Variants in ACOT11 observed in about 807,000 individuals in gnomAD.
ACOT11 encodes the protein acyl-coenzyme A thioesterase 11.
A neutral mutation model predicts 77.5 loss-of-function variants in ACOT11; 69 were observed. That is an observed-to-expected ratio of 0.89 (90% confidence interval 0.73 to 1.09). ACOT11 has a LOEUF of 1.09. Ranked by LOEUF, ACOT11 falls within the 50% of genes least tolerant of loss-of-function variation. The probability of loss-of-function intolerance (pLI) is 0.00; values close to 1 mark genes in which losing one functional copy is unlikely to be tolerated. For synonymous variants in ACOT11, 279 were observed against 313.0 expected (o/e 0.89, Z 1.15); for missense variants, 766 against 813.7 (o/e 0.94, Z 0.71).
At chr1:54,635,954 C>G (rs1300342666) in exon 17 of ACOT11, 1 of 152,412 alleles carries the variant, frequency 6.6e-6, no homozygotes, top group East Asian at 1.9e-4. Context: ...GGGCGGAAAA[C>G]CGCTTAAAGG....
At chr1:54,626,180 G>A (rs1202690331) in intron 15 of ACOT11, among the ~76,000 whole-genome samples, 4 of 151,992 alleles carry the variant, frequency 2.6e-5, no homozygotes, top group Admixed American at 2.6e-4. Context: ...TGATGCAGGA[G>A]AATCGCTTGA....
At chr1:54,614,724 AT>A (rs2101018490), downstream of ACOT11, 1 of 1,613,950 alleles carries the variant, frequency 6.2e-7, no homozygotes, top group Non-Finnish European at 8.5e-7. Flanking sequence ...CTCAGTTGAG[AT>A]GAGCATGTTG....
At chr1:54,566,558 C>T (rs1653740570) in intron 1 of ACOT11, among the ~76,000 whole-genome samples, 1 of 151,898 alleles carries the variant, frequency 6.6e-6, no homozygotes, top group African/African-American at 2.4e-5. Context: ...CTACCCCGAA[C>T]CTTAGTAGCT....
At chr1:54,568,639 C>G (rs1374928661) in intron 1 of ACOT11, among the ~76,000 whole-genome samples, 1 of 152,166 alleles carries the variant, frequency 6.6e-6, no homozygotes, top group African/African-American at 2.4e-5. Flanking sequence ...GCTGGGATTA[C>G]AGGCGTGAGC....
At position 54,584,912 on chromosome 1, in the gene ACOT11, A is replaced by C; in HGVS notation, c.241+50A>C. 1 of 1,548,164 alleles carries C rather than the reference A, an allele frequency of 6.5e-7. No individual in the cohort carries two copies. Among genetic ancestry groups the C allele is most frequent in the Non-Finnish European group, 8.8e-7 (1 of 1,141,012 alleles). On this transcript the variant is annotated intron_variant, in intron 2 of 15. Transcript: ENST00000343744. The surrounding 1 kb of genome is among the most constrained non-coding windows in gnomAD (Gnocchi z 6.3). ...CCTACCTGCCCCACAGGCCCAGAGC[A>C]GGGGCCGTGCTTTCAGAGATGGTCA...
chr1:54,560,764 C>A lies in ACOT11; in HGVS notation c.33+12422C>A, dbSNP rs570484918. On this transcript the variant is annotated intron_variant, in intron 1 of 15. Transcript: ENST00000343744. ...TGAGACAGAGTTTTGCTCTGTTGCC[C>A]AGGCTGGAGTGCAATGGCGCGATCT... Among the ~76,000 whole-genome samples, 29 of 152,210 alleles carry A rather than the reference C, an allele frequency of 1.9e-4. 1 individual carries two copies. Among genetic ancestry groups the A allele is most frequent in the African/African-American group, 7.0e-4 (29 of 41,520 alleles).
rs772693353 is a variant in ACOT11 at position 54,584,665 on chromosome 1, CTG to C, written c.48_49del (p.Phe17LeufsTer46). The C allele has an allele frequency of 1.9e-6, 3 of 1,614,128 alleles. No individual in the cohort carries two copies. Among genetic ancestry groups the C allele is most frequent in the Non-Finnish European group, 2.5e-6 (3 of 1,180,006 alleles). On this transcript the variant is annotated frameshift_variant, in exon 2 of 16. Transcript: ENST00000343744. LOFTEE classifies it high-confidence loss of function. The surrounding 1 kb of genome is among the most constrained non-coding windows in gnomAD (Gnocchi z 6.3). The stretch of plus-strand genomic sequence containing the variant: ...CCACCTGTACCCCAGGGCTTGGCCT[CTG>C]TGTTCTCCAACCGCACATCCCGGAA...
chr1:54,567,908 A>G (rs1036793943), intron 1 of ACOT11, among the ~76,000 whole-genome samples: 11 of 152,012 alleles, frequency 7.2e-5, no homozygotes, highest in African/African-American at 2.7e-4. Context: ...TGATCTTACA[A>G]CGCAGGCCAG....
Position 54,555,958 on chromosome 1 carries a change from G to C in ACOT11, c.33+7616G>C, listed in dbSNP as rs142347538. On this transcript the variant is annotated intron_variant, in intron 1 of 15. Transcript: ENST00000343744. ...AGATGGGATTTCACCATGTTGGCCAGCTTAGTCTCGAACTCCTGACCTCAG... is the reference window on the plus strand; with the variant it reads ...AGATGGGATTTCACCATGTTGGCCACCTTAGTCTCGAACTCCTGACCTCAG... Among the ~76,000 whole-genome samples the C allele has an allele frequency of 7.5e-3, 1,145 of 152,214 alleles. 13 individuals carry two copies. The highest frequency in any genetic ancestry group is 0.026 in the African/African-American group (1,081 of 41,542).
At chr1:54,630,652 C>T (rs1216985662) in intron 15 of ACOT11, 4 of 540,986 alleles carry the variant, frequency 7.4e-6, no homozygotes, top group African/African-American at 5.8e-5. Flanking sequence ...CTGTTCCGGG[C>T]TCTCAGCTCT....
intron 1 of ACOT11, among the ~76,000 whole-genome samples, chr1:54,569,436 T>C (rs61650942): frequency 0.039 from 5,952 of 152,288 alleles, 232 homozygotes; most frequent in South Asian, 0.22. Context: ...ACACGCAGCC[T>C]GGCCCCCTCA....
At chr1:54,551,130 CAA>C (rs11367325) in intron 1 of ACOT11, among the ~76,000 whole-genome samples, 235 of 90,930 alleles carry the variant, frequency 2.6e-3, no homozygotes, top group South Asian at 6.8e-3. Context: ...ACAGTGGTCT[CAA>C]AAAAAAAAAA....
At chr1:54,638,374 T>C (rs1264353886) in exon 17 of ACOT11, 2 of 152,068 alleles carry the variant, frequency 1.3e-5, no homozygotes, top group Non-Finnish European at 2.9e-5. Context: ...AGAAACTCTT[T>C]TGTGAGACAG....
Position 54,626,488 on chromosome 1 carries a change from G to T in ACOT11, c.1630-4246G>T, listed in dbSNP as rs549657150. ...TCCCACATTTTAATTTCATCCACTT[G>T]TCACACAACACTGCCAAATGACTCT... On this transcript the variant is annotated intron_variant, in intron 15 of 16. Transcript: ENST00000371316. 2.1e-5 allele frequency among the ~76,000 whole-genome samples: 3 copies of T among 140,356 alleles called. No homozygotes were observed. In the East Asian group the frequency reaches 6.5e-4, roughly 30 times the overall value. 92.1% of individuals were successfully genotyped at this position (140,356 alleles called of 152,430 possible).
chr1:54,631,600 G>A (rs1348223881), intron 16 of ACOT11, among the ~76,000 whole-genome samples: 2 of 152,156 alleles, frequency 1.3e-5, no homozygotes, highest in South Asian at 2.1e-4. Context: ...GGGGGTTGGC[G>A]GCTGGGCTGG....
chr1:54,600,696 G>A lies in ACOT11; in HGVS notation c.885-573G>A, dbSNP rs543229029. Reference sequence around the variant, plus strand: ...AGACTGTCTCAAAAAATAAATAAAGGAATAAAGAAATAAAGACAGTAAGAT... The same window carrying A: ...AGACTGTCTCAAAAAATAAATAAAGAAATAAAGAAATAAAGACAGTAAGAT... On this transcript the variant is annotated intron_variant, in intron 8 of 15. Coordinates refer to ENST00000343744, the MANE Select transcript of ACOT11 (RefSeq NM_147161.4). 8.5e-5 allele frequency among the ~76,000 whole-genome samples: 13 copies of A among 152,194 alleles called. No homozygotes were observed. In the East Asian group the frequency reaches 2.1e-3, roughly 25 times the overall value.
Position 54,609,807 on chromosome 1 carries a change from C to A in ACOT11, c.*695C>A. 1 of 1,614,186 alleles carries A rather than the reference C, an allele frequency of 6.2e-7. No homozygotes were observed. The highest frequency in any genetic ancestry group is 8.5e-7 in the Non-Finnish European group (1 of 1,180,034). ...ATTTGCAAATGGATGCCCCAGTGTC[C>A]GGGATGTGTGGCCAGCTGCTGCAGG... On this transcript the variant is annotated 3_prime_UTR_variant, in exon 16 of 16. Coordinates refer to ENST00000343744, the MANE Select transcript of ACOT11 (RefSeq NM_147161.4).
At chr1:54,635,951 A>AAACC (rs1226630308) in exon 17 of ACOT11, 3 of 152,318 alleles carry the variant, frequency 2.0e-5, no homozygotes, top group African/African-American at 7.2e-5. Context: ...CCAGGGCGGA[A>AAACC]AACCGCTTAA....
chr1:54,577,323 C>T (rs1159330323), intron 1 of ACOT11, among the ~76,000 whole-genome samples: 5 of 152,134 alleles, frequency 3.3e-5, no homozygotes, highest in South Asian at 2.1e-4. Flanking sequence ...CCCCCAGCCC[C>T]GGCAACCACC....
Sources: gnomAD v4.1 joint callset for allele counts (sites outside exome capture counted in the v4.1 genomes callset) on GRCh38, gnomAD v4.1.1 for gene constraint, Gnocchi (gnomAD v3.1) non-coding constraint, MANE v1.5 for transcripts, NCBI Gene and HGNC (gene_info 2026-07-23, HGNC 2026-07-21) for gene names.